Variants in NFIL3 observed in about 807,000 individuals in gnomAD.
NFIL3 encodes the protein nuclear factor interleukin-3-regulated protein.
In NFIL3, 5 loss-of-function variants were observed where a neutral mutation model predicts 10.0. The observed-to-expected ratio is 0.50, with a 90% CI of 0.26 to 1.06. The LOEUF is 1.06. Ranked by LOEUF, NFIL3 falls within the 50% of genes least tolerant of loss-of-function variation. NFIL3 has a pLI of 0.13. For missense variants in NFIL3, 436 were observed against 547.6 expected (o/e 0.80, Z 2.03); for synonymous variants, 202 against 206.5 (o/e 0.98, Z 0.19).
chr9:91,460,271 C>CTTGTTTTTTTTTTTTTTTTTTTTTT, the NFIL3 span, among the ~76,000 whole-genome samples: 1 of 70,444 alleles, frequency 1.4e-5, no homozygotes, highest in Non-Finnish European at 2.4e-5. Flanking sequence ...GGGCTTGGTT[C>CTTGTTTTTTTTTTTTTTTTTTTTTT]TTTTTTTTTT....
At chr9:91,464,094 CA>C in the NFIL3 span, among the ~76,000 whole-genome samples, 1 of 152,016 alleles carries the variant, frequency 6.6e-6, no homozygotes, top group African/African-American at 2.4e-5. Flanking sequence ...TAACCCTCAC[CA>C]AAAATTTCTG....
At chr9:91,479,383 G>GT in the NFIL3 span, among the ~76,000 whole-genome samples, 4 of 152,204 alleles carry the variant, frequency 2.6e-5, no homozygotes, top group Non-Finnish European at 5.9e-5. Context: ...TGCTACAGAG[G>GT]CTTTGCCGAG....
the NFIL3 span, among the ~76,000 whole-genome samples, chr9:91,472,002 T>G: frequency 6.6e-6 from 1 of 152,232 alleles, no homozygotes; most frequent in Non-Finnish European, 1.5e-5. Flanking sequence ...GGTTGAAAAT[T>G]CTTTTCTTTA....
the NFIL3 span, among the ~76,000 whole-genome samples, chr9:91,431,384 G>A: frequency 6.6e-6 from 1 of 152,072 alleles, no homozygotes; most frequent in Non-Finnish European, 1.5e-5. Flanking sequence ...ATATGCTTCA[G>A]TTCCTCTACA....
chr9:91,471,583 T>C, the NFIL3 span, among the ~76,000 whole-genome samples: 1 of 151,928 alleles, frequency 6.6e-6, no homozygotes, highest in Non-Finnish European at 1.5e-5. Flanking sequence ...TACATATGTA[T>C]ACATGTGCCA....
In NFIL3 at chr9:91,410,551, T is replaced by C; in HGVS notation, c.184A>G (p.Arg62Gly). 6.2e-7 allele frequency: 1 copy of C among 1,614,222 alleles called. No individual in the cohort carries two copies. The highest frequency in any genetic ancestry group is 8.5e-7 in the Non-Finnish European group (1 of 1,180,042). ...TCATCAGGAATGAATTCCCGTTTCC[T>C]CCGACATGCAGAAGATTTGTTCTTC... ...VGKNKSSACR[R>G]KREFIPDEKK... Residue 62 changes from arginine (R) to glycine (G), a missense_variant, in exon 2 of 2, where the codon AGG (arginine) becomes GGG (glycine). Physicochemically the swap from Arg to Gly is moderately radical, Grantham distance 125 (BLOSUM62 -2). Around this residue, in one of 3 missense-constraint regions of NFIL3, gnomAD observed 76 missense variants for 73.0 expected, o/e 1.04. Coordinates refer to ENST00000297689, the MANE Select transcript of NFIL3 (RefSeq NM_005384.3). The surrounding 1 kb of genome is among the most constrained non-coding windows in gnomAD (Gnocchi z 5.7).
the NFIL3 span, among the ~76,000 whole-genome samples, chr9:91,438,481 C>T: frequency 1.3e-5 from 2 of 151,972 alleles, no homozygotes; most frequent in Non-Finnish European, 2.9e-5. Flanking sequence ...TGATAATTTC[C>T]TTTGCTTTGC....
chr9:91,454,005 G>A, the NFIL3 span, among the ~76,000 whole-genome samples: 56 of 151,234 alleles, frequency 3.7e-4, no homozygotes, highest in East Asian at 9.2e-3. Context: ...AGGCTGAGGC[G>A]GGGGATCACT....
chr9:91,413,700 G>C (rs1833599935), intron 1 of NFIL3, among the ~76,000 whole-genome samples: 1 of 152,178 alleles, frequency 6.6e-6, no homozygotes, highest in Non-Finnish European at 1.5e-5. Flanking sequence ...AATGAGTGGA[G>C]AAGTAAAGAG....
the NFIL3 span, among the ~76,000 whole-genome samples, chr9:91,437,563 T>G: frequency 6.6e-6 from 1 of 152,210 alleles, no homozygotes; most frequent in East Asian, 1.9e-4. Flanking sequence ...TACAGTACAA[T>G]TTTATTATCT....
chr9:91,411,262 CAGAT>C lies in NFIL3; in HGVS notation c.-172-360_-172-357del, dbSNP rs752707575. On this transcript the variant is annotated intron_variant, in intron 1 of 1. Coordinates refer to ENST00000297689, the MANE Select transcript of NFIL3 (RefSeq NM_005384.3). ...GTGGGCAATTACAGGAAGGAAATGA[CAGAT>C]AGCCTCTGGTTGGTAAGTTTCTAAA... is the stretch of plus-strand genomic sequence containing the variant. Among the ~76,000 whole-genome samples, 5 of 152,314 alleles carry C rather than the reference CAGAT, an allele frequency of 3.3e-5. No homozygotes were observed. In the East Asian group the frequency reaches 5.8e-4, roughly 18 times the overall value.
chr9:91,416,892 C>T (rs148734824), intron 1 of NFIL3, among the ~76,000 whole-genome samples: 422 of 152,270 alleles, frequency 2.8e-3, no homozygotes, highest in Middle Eastern at 0.017. Context: ...AACCTCATAA[C>T]AATAATTCTA....
chr9:91,473,813 C>A, the NFIL3 span, among the ~76,000 whole-genome samples: 1 of 152,214 alleles, frequency 6.6e-6, no homozygotes, highest in Admixed American at 6.5e-5. Context: ...GAGCTGCAGA[C>A]CAGAGCTGTT....
intron 1 of NFIL3, among the ~76,000 whole-genome samples, chr9:91,421,220 T>C (rs1315981526): frequency 6.8e-6 from 1 of 147,410 alleles, no homozygotes; most frequent in East Asian, 2.0e-4. Context: ...GCTGCCCCTG[T>C]CTGCCCCGTG....
At chr9:91,450,440 T>C in the NFIL3 span, among the ~76,000 whole-genome samples, 1 of 152,198 alleles carries the variant, frequency 6.6e-6, no homozygotes, top group Non-Finnish European at 1.5e-5. Flanking sequence ...ATCTAATATC[T>C]TTTGTGATTT....
chr9:91,480,632 G>A, the NFIL3 span, among the ~76,000 whole-genome samples: 4 of 152,096 alleles, frequency 2.6e-5, no homozygotes, highest in African/African-American at 4.8e-5. Flanking sequence ...AAAATTTGGC[G>A]ATGGACTACG....
the NFIL3 span, among the ~76,000 whole-genome samples, chr9:91,449,354 T>C: frequency 1.3e-5 from 2 of 152,160 alleles, no homozygotes; most frequent in African/African-American, 2.4e-5. Flanking sequence ...GTAAATGCTC[T>C]TTAGCATATG....
the NFIL3 span, among the ~76,000 whole-genome samples, chr9:91,438,303 T>C: frequency 8.5e-5 from 13 of 152,242 alleles, no homozygotes; most frequent in Non-Finnish European, 1.3e-4. Context: ...CCGTTTTTCA[T>C]ATCTTCTTTG....
intron 1 of NFIL3, among the ~76,000 whole-genome samples, chr9:91,420,384 CACACACAG>C (rs933954425): frequency 2.0e-5 from 3 of 151,272 alleles, no homozygotes; most frequent in African/African-American, 7.3e-5. Flanking sequence ...CACACACACA[CACACACAG>C]ATTCTGGTTC....
Sources: gnomAD v4.1 joint callset for allele counts (sites outside exome capture counted in the v4.1 genomes callset) on GRCh38, gnomAD v4.1.1 for gene constraint, gnomAD v4.1.1 regional missense constraint, Gnocchi (gnomAD v3.1) non-coding constraint, MANE v1.5 for transcripts, NCBI Gene and HGNC (gene_info 2026-07-23, HGNC 2026-07-21) for gene names.